The following ENTPD3 variants were observed in gnomAD, a reference collection of about 807,000 sequenced individuals.
The protein encoded by ENTPD3 is CD39 antigen-like 3.
Under a neutral mutation model 51.2 loss-of-function variants are expected in ENTPD3, and 60 were observed. That is an observed-to-expected ratio of 1.17 (90% confidence interval 0.95 to 1.45). ENTPD3 has a LOEUF of 1.45. Ranked by LOEUF, ENTPD3 falls within the 40% of genes most tolerant of loss-of-function variation. ENTPD3 has a pLI of 0.00. For synonymous variants in ENTPD3, 221 were observed against 238.4 expected, an observed-to-expected ratio of 0.93 and a Z score of 0.67; for missense variants, 593 against 641.1, an observed-to-expected ratio of 0.93 and a Z score of 0.81.
intron 10 of ENTPD3, 83 bp from the exon 11 acceptor site, chr3:40,427,189 A>G (rs1262376336): frequency 4.5e-6 from 5 of 1,109,970 alleles, no homozygotes; most frequent in Non-Finnish European, 6.8e-6. Context: ...GAGCTTTGTG[A>G]GGTTGATAGC....
intron 4 of ENTPD3, among the ~76,000 whole-genome samples, chr3:40,411,239 C>T (rs1268054037): frequency 6.7e-6 from 1 of 148,522 alleles, no homozygotes; most frequent in Non-Finnish European, 1.5e-5. Context: ...TGTAGTGAGC[C>T]GAGATCGTGC....
At chr3:40,423,206 A>C in intron 8 of ENTPD3, 84 bp downstream of exon 8, 1 of 1,558,298 alleles carries the variant, frequency 6.4e-7, no homozygotes, top group Non-Finnish European at 8.8e-7. Flanking sequence ...CTGACTTGTT[A>C]GCCACCTTCT....
chr3:40,397,934 G>C (rs2125591573), intron 3 of ENTPD3, among the ~76,000 whole-genome samples: 1 of 152,218 alleles, frequency 6.6e-6, no homozygotes, highest in South Asian at 2.1e-4. Context: ...ACATCACCTT[G>C]CCAGCTGAAC....
In ENTPD3 at chr3:40,423,817, A is replaced by G; in HGVS notation, c.1216-9A>G. 1.2e-6 allele frequency: 2 copies of G among 1,613,456 alleles called. No homozygotes were observed. The highest frequency in any genetic ancestry group is 1.7e-6 in the Non-Finnish European group (2 of 1,179,654). On this transcript the variant is annotated splice_polypyrimidine_tract_variant and intron_variant, in intron 9 of 10. Transcript: ENST00000301825. ...CTGCCCTGCCTCTCAGATGTTTTAAACCTTTCAGCTCCCACTGCTGCTCCC... is the reference window on the plus strand; with the variant it reads ...CTGCCCTGCCTCTCAGATGTTTTAAGCCTTTCAGCTCCCACTGCTGCTCCC...
chr3:40,421,177 C>T (rs1417034469), intron 7 of ENTPD3, among the ~76,000 whole-genome samples: 1 of 151,728 alleles, frequency 6.6e-6, no homozygotes, highest in East Asian at 1.9e-4. Context: ...GTGCGTGCCA[C>T]CACGCCTGGC....
intron 3 of ENTPD3, among the ~76,000 whole-genome samples, chr3:40,393,566 T>C (rs1342900058): frequency 6.6e-6 from 1 of 152,152 alleles, no homozygotes; most frequent in Non-Finnish European, 1.5e-5. Context: ...GAGTAAAATC[T>C]CCATTAGATA....
intron 2 of ENTPD3, among the ~76,000 whole-genome samples, chr3:40,390,127 ATCTT>A (rs1362457634): frequency 4.6e-5 from 7 of 152,260 alleles, no homozygotes; most frequent in Non-Finnish European, 1.0e-4. Flanking sequence ...GAATCTAGTG[ATCTT>A]TCTATTAGTG....
At position 40,388,091 on chromosome 3, in the gene ENTPD3, C is replaced by T. The variant is rs747124258; in HGVS notation, c.34C>T (p.Gln12Ter). ...FTVLTRQPCE[Q>*]AGLKALYRTP... ...TGTGCTGACCCGCCAACCATGTGAG[C>T]AAGCAGGTTAGTATCTCTCAGCAGG... The change falls in exon 2 of 11, where the codon CAA becomes TAA. Residue 12 changes from glutamine to a stop codon, truncating the protein, a stop_gained. Transcript: ENST00000301825. LOFTEE classifies it high-confidence loss of function. 5.0e-6 allele frequency: 8 copies of T among 1,614,148 alleles called. No individual in the cohort carries two copies. The East Asian group carries it at 1.3e-4, about 27-fold the overall frequency.
rs753719002 is a variant in ENTPD3, at chr3:40,402,123, C to CCTTTTTTT, written c.286+1112_286+1113insCTTTTTTT. Reference sequence around the variant, plus strand: ...TTCATTTCCTTTCCTTTTTTTTTTTCTTTTTTTTTTTTTGAGACAGAGTCT... The same window carrying CCTTTTTTT: ...TTCATTTCCTTTCCTTTTTTTTTTTCCTTTTTTTTTTTTTTTTTTTTGAGACAGAGTCT... On this transcript the variant is annotated intron_variant, in intron 4 of 10. Coordinates refer to ENST00000301825, the MANE Select transcript of ENTPD3 (RefSeq NM_001248.4). Among the ~76,000 whole-genome samples the CCTTTTTTT allele has an allele frequency of 4.4e-4, 42 of 95,022 alleles. 3 individuals carry two copies. Among genetic ancestry groups the CCTTTTTTT allele is most frequent in the African/African-American group, 1.5e-3 (38 of 25,660 alleles). The allele number at this position is 95,022 out of a possible 152,430, so 62.3% of individuals were successfully genotyped here. A position where few individuals can be genotyped will look rare whatever the true frequency, so the allele number is the denominator to read the frequency against.
At position 40,401,427 on chromosome 3, in the gene ENTPD3, G is replaced by A. The variant is rs151012960; in HGVS notation, c.286+416G>A. On this transcript the variant is annotated intron_variant, in intron 4 of 10. Coordinates refer to ENST00000301825, the MANE Select transcript of ENTPD3 (RefSeq NM_001248.4). ...AATTTGCCCAGGATGATGGAAAGACGGACAGATAGTATGCACTCATGCAAT... is the reference window on the plus strand; with the variant it reads ...AATTTGCCCAGGATGATGGAAAGACAGACAGATAGTATGCACTCATGCAAT... Among the ~76,000 whole-genome samples, 24 of 152,236 alleles carry A rather than the reference G, an allele frequency of 1.6e-4. No individual in the cohort carries two copies. In the East Asian group the frequency reaches 2.1e-3, roughly 13 times the overall value.
rs1955070772 is a variant in ENTPD3 at position 40,392,082 on chromosome 3, A to T, written c.100A>T (p.Ile34Phe). The change falls in exon 3 of 11, where the codon ATT becomes TTT. Residue 34 changes from isoleucine (I) to phenylalanine (F), a missense_variant. Physicochemically the swap from Ile to Phe is conservative, Grantham distance 21. Transcript: ENST00000301825. ...IIALVVLLVS[I>F]VVLVSITVIQ... Reference sequence around the variant, plus strand: ...TGCCTTGGTGGTCTTGCTTGTGAGTATTGTGGTACTTGTGAGTATCACTGT... The same window carrying T: ...TGCCTTGGTGGTCTTGCTTGTGAGTTTTGTGGTACTTGTGAGTATCACTGT... The T allele has an allele frequency of 1.2e-6, 2 of 1,614,052 alleles. No individual in the cohort carries two copies. Among genetic ancestry groups the T allele is most frequent in the African/African-American group, 1.3e-5 (1 of 74,944 alleles).
At chr3:40,411,782 G>T in intron 4 of ENTPD3, 30 bp from the exon 5 acceptor site, 1 of 1,546,552 alleles carries the variant, frequency 6.5e-7, no homozygotes. Context: ...TCCTGGAAAT[G>T]CTGACAGATG....
intron 7 of ENTPD3, among the ~76,000 whole-genome samples, chr3:40,419,955 T>C (rs145396798): frequency 3.9e-5 from 6 of 152,304 alleles, no homozygotes; most frequent in Non-Finnish European, 7.3e-5. Flanking sequence ...ACTTGGCACA[T>C]TGGCAAATTA....
chr3:40,410,114 G>A (rs111637267), intron 4 of ENTPD3, among the ~76,000 whole-genome samples: 4,303 of 152,108 alleles, frequency 0.028, 186 homozygotes, highest in African/African-American at 0.096. Context: ...AAACAAAATC[G>A]TTTTTTAAAA....
chr3:40,424,565 G>A (rs1955948662), intron 10 of ENTPD3, among the ~76,000 whole-genome samples: 1 of 151,860 alleles, frequency 6.6e-6, no homozygotes, highest in African/African-American at 2.4e-5. Context: ...TTAAAAATAT[G>A]TATATTTATA....
intron 10 of ENTPD3, chr3:40,425,137 G>C (rs1955956774): frequency 4.8e-6 from 1 of 208,004 alleles, no homozygotes; most frequent in South Asian, 7.6e-5. Context: ...GAAGATGTAG[G>C]CTGGGCACGG....
At position 40,414,756 on chromosome 3, in the gene ENTPD3, T is replaced by C. The variant is rs779627045; in HGVS notation, c.513T>C (p.Phe171=). The change falls in exon 6 of 11, where the codon TTT becomes TTC. Residue 171 remains phenylalanine (F), a synonymous_variant. Coordinates refer to ENST00000301825, the MANE Select transcript of ENTPD3 (RefSeq NM_001248.4). ...ACTTCAAGTCCCAGCCCTTTGACTT[T>C]AGGGGTGCTCAAATCATTTCTGGGC... ...QSYFKSQPFD[F]RGAQIISGQE... is the part of the protein sequence containing the mutation. The C allele has an allele frequency of 3.7e-6, 6 of 1,614,098 alleles. No homozygotes were observed. In the East Asian group the frequency reaches 1.3e-4, roughly 36 times the overall value.
intron 10 of ENTPD3, chr3:40,424,840 A>C: frequency 1.4e-6 from 1 of 699,484 alleles, no homozygotes; most frequent in South Asian, 1.5e-5. Flanking sequence ...TAATTAGATT[A>C]AACCAATCAA....
chr3:40,390,553 AG>A (rs1490979951), intron 2 of ENTPD3, among the ~76,000 whole-genome samples: 1 of 152,204 alleles, frequency 6.6e-6, no homozygotes, highest in Non-Finnish European at 1.5e-5. Flanking sequence ...TTAAAAAATT[AG>A]GTATAACTTC....
Sources: allele counts gnomAD v4.1 joint callset (sites outside exome capture counted in the v4.1 genomes callset), GRCh38; gene constraint gnomAD v4.1.1; transcripts MANE v1.5; gene names NCBI Gene and HGNC (gene_info 2026-07-23, HGNC 2026-07-21).